The following ARL9 variants were observed in gnomAD, a reference collection of about 807,000 sequenced individuals.
The protein encoded by ARL9 is ADP-ribosylation factor-like protein 9.
ARL9 carries 14 observed loss-of-function variants against 27.0 expected under a neutral mutation model. The ratio of observed to expected loss-of-function variants is 0.52; its 90% confidence interval spans 0.34 to 0.81. The LOEUF is 0.81. ARL9 is among the 30% of genes least tolerant of loss of function. The pLI is 0.01. For missense variants in ARL9, 294 were observed against 290.0 expected (o/e 1.01, Z -0.10); for synonymous variants, 106 against 108.7 (o/e 0.98, Z 0.15).
chr4:56,510,980 C>T (rs188005889), intron 1 of ARL9, among the ~76,000 whole-genome samples: 38 of 152,136 alleles, frequency 2.5e-4, no homozygotes, highest in African/African-American at 8.9e-4. Context: ...ACCATGTTGG[C>T]CAGGCTGGTC....
chr4:56,516,887 C>T (rs1298151417), intron 2 of ARL9, among the ~76,000 whole-genome samples: 1 of 152,116 alleles, frequency 6.6e-6, no homozygotes, highest in Non-Finnish European at 1.5e-5. Flanking sequence ...GGAGATTGCA[C>T]CACTGCCCTC....
intron 3 of ARL9, among the ~76,000 whole-genome samples, chr4:56,522,246 A>T (rs1203991787): frequency 6.6e-6 from 1 of 151,780 alleles, no homozygotes; most frequent in African/African-American, 2.4e-5. Context: ...CATGGTGAAA[A>T]CCCGTCTCTA....
At chr4:56,506,401 A>C (rs1721460953) in intron 1 of ARL9, among the ~76,000 whole-genome samples, 1 of 152,126 alleles carries the variant, frequency 6.6e-6, no homozygotes, top group South Asian at 2.1e-4. Context: ...GAGGGACAAG[A>C]GATCTCGGTC....
At chr4:56,518,981 G>A in intron 3 of ARL9, 128 bp downstream of exon 3, 1 of 891,824 alleles carries the variant, frequency 1.1e-6, no homozygotes, top group Non-Finnish European at 1.7e-6. Context: ...AGAGCTCTTG[G>A]ATTATAAACA....
rs1578205031 is a variant in ARL9 at position 56,505,891 on chromosome 4, A to G, written c.29A>G (p.Glu10Gly). MERGKVKKK[E>G]KEKETQEEKI... is the part of the protein sequence containing the mutation. ...GAGAGGGGGAAAGTGAAGAAGAAAG[A>G]GAAGGAAAAGGAGACGCAGGAGGAG... Residue 10 changes from glutamate (E) to glycine (G), a missense_variant, in exon 1 of 4, where the codon GAG becomes GGG. Physicochemically the swap from Glu to Gly is moderately conservative, Grantham distance 98 (BLOSUM62 -2). Coordinates refer to ENST00000640821, the MANE Select transcript of ARL9 (RefSeq NM_001363794.2). The G allele has an allele frequency of 4.0e-6, 5 of 1,259,556 alleles. No homozygotes were observed. The highest frequency in any genetic ancestry group is 4.0e-6 in the Non-Finnish European group (4 of 1,003,616). The allele number at this position is 1,259,556 out of a possible 1,614,324, so 78.0% of individuals were successfully genotyped here.
At chr4:56,513,681 AGT>A (rs1419563975) in intron 2 of ARL9, among the ~76,000 whole-genome samples, 1 of 152,166 alleles carries the variant, frequency 6.6e-6, no homozygotes, top group Non-Finnish European at 1.5e-5. Flanking sequence ...CAAAGAGAAA[AGT>A]GGTGTTATCT....
At position 56,511,238 on chromosome 4, in the gene ARL9, T is replaced by C; in HGVS notation, c.333T>C (p.Ser111=). 2.5e-6 allele frequency: 4 copies of C among 1,612,750 alleles called. No homozygotes were observed. Among genetic ancestry groups the C allele is most frequent in the Non-Finnish European group, 3.4e-6 (4 of 1,179,218 alleles). ...GCCTGGATGGAGCAGGAAAAACCAG[T>C]GTCCTGCACTCTCTAGCTTCAAACA... ...VLGLDGAGKT[S]VLHSLASNRV... Residue 111 remains serine, a synonymous_variant, in exon 2 of 4, where the codon AGT becomes AGC. Coordinates refer to ENST00000640821, the MANE Select transcript of ARL9 (RefSeq NM_001363794.2).
intron 1 of ARL9, among the ~76,000 whole-genome samples, chr4:56,510,550 G>T (rs149373777): frequency 2.6e-5 from 4 of 152,222 alleles, no homozygotes; most frequent in African/African-American, 9.6e-5. Flanking sequence ...CCAATTCATA[G>T]ACACGAATTC....
upstream of ARL9, chr4:56,505,688 C>A: frequency 8.9e-7 from 1 of 1,119,068 alleles, no homozygotes; most frequent in Non-Finnish European, 1.2e-6. Flanking sequence ...GCCCTGCATC[C>A]GCGAGGTAAG....
At chr4:56,513,783 G>T (rs1215730524) in intron 2 of ARL9, among the ~76,000 whole-genome samples, 1 of 152,126 alleles carries the variant, frequency 6.6e-6, no homozygotes, top group Non-Finnish European at 1.5e-5. Flanking sequence ...GAGGGCCCCT[G>T]GAAGAGTGCT....
chr4:56,508,318 T>C (rs1332622150), intron 1 of ARL9, among the ~76,000 whole-genome samples: 1 of 152,150 alleles, frequency 6.6e-6, no homozygotes, highest in Non-Finnish European at 1.5e-5. Context: ...AAGACATCTA[T>C]GAAAATACAA....
rs564099233 is a variant in ARL9, at chr4:56,511,207, T to G, written c.302T>G (p.Val101Gly). 6.2e-6 allele frequency: 10 copies of G among 1,602,652 alleles called. No homozygotes were observed. The South Asian group carries it at 1.0e-4, about 16-fold the overall frequency. Residue 101 changes from valine (V) to glycine (G), a missense_variant, in exon 2 of 4, where the codon GTG becomes GGG. Coordinates refer to ENST00000640821, the MANE Select transcript of ARL9 (RefSeq NM_001363794.2). ...CAGGAGAAAAACAAGCAAATCCTAG[T>G]GCTGGGCCTGGATGGAGCAGGAAAA... is the stretch of plus-strand genomic sequence containing the variant. ...EPLEKNKQIL[V>G]LGLDGAGKTS...
chr4:56,513,773 G>T (rs1373466274), intron 2 of ARL9, among the ~76,000 whole-genome samples: 2 of 152,116 alleles, frequency 1.3e-5, no homozygotes, highest in African/African-American at 4.8e-5. Flanking sequence ...TGCATGACAC[G>T]AGGGCCCCTG....
At chr4:56,512,996 T>C (rs1484404346) in intron 2 of ARL9, among the ~76,000 whole-genome samples, 1 of 152,226 alleles carries the variant, frequency 6.6e-6, no homozygotes, top group Non-Finnish European at 1.5e-5. Context: ...GCATACCCAA[T>C]GTCTGGCAAA....
chr4:56,505,699 C>T, upstream of ARL9: 1 of 1,189,370 alleles, frequency 8.4e-7, no homozygotes, highest in Non-Finnish European at 1.1e-6. Context: ...GCGAGGTAAG[C>T]GGCGGTTGGC....
intron 3 of ARL9, among the ~76,000 whole-genome samples, chr4:56,522,389 C>T (rs966805482): frequency 6.6e-6 from 1 of 151,480 alleles, no homozygotes; most frequent in Non-Finnish European, 1.5e-5. Context: ...CCACTGCACT[C>T]CAGTCTGGGT....
In ARL9 at chr4:56,523,881, G is replaced by A. The variant is rs781665242; in HGVS notation, c.*5G>A. Reference sequence around the variant, plus strand: ...CTGGCTGCAGATGTGCAGTGACCAGGACTCAGCCCACTGTGCGGCTCACGA... The same window carrying A: ...CTGGCTGCAGATGTGCAGTGACCAGAACTCAGCCCACTGTGCGGCTCACGA... On this transcript the variant is annotated 3_prime_UTR_variant, in exon 4 of 4. Transcript: ENST00000640821. 13 of 1,611,246 alleles carry A rather than the reference G, an allele frequency of 8.1e-6. 1 individual carries two copies. The Admixed American group carries it at 2.0e-4, about 25-fold the overall frequency.
chr4:56,511,667 T>A (rs187787431), intron 2 of ARL9, among the ~76,000 whole-genome samples: 90 of 152,328 alleles, frequency 5.9e-4, no homozygotes, highest in African/African-American at 2.1e-3. Flanking sequence ...GTAAGTACAG[T>A]GTGCTTGCTT....
chr4:56,514,374 A>G (rs1344513362), intron 2 of ARL9, among the ~76,000 whole-genome samples: 1 of 152,252 alleles, frequency 6.6e-6, no homozygotes, highest in Non-Finnish European at 1.5e-5. Flanking sequence ...TGATGAAGAC[A>G]CAGTAGCAAA....
Sources: allele counts gnomAD v4.1 joint callset (sites outside exome capture counted in the v4.1 genomes callset), GRCh38; gene constraint gnomAD v4.1.1; transcripts MANE v1.5; gene names NCBI Gene and HGNC (gene_info 2026-07-23, HGNC 2026-07-21).